Variants in ARID5B observed in about 807,000 individuals in gnomAD.
ARID5B encodes AT-rich interactive domain-containing protein 5B.
ARID5B carries 13 observed loss-of-function variants against 97.2 expected under a neutral mutation model. The observed-to-expected ratio is 0.13, with a 90% confidence interval of 0.09 to 0.21. The LOEUF (loss-of-function observed/expected upper bound fraction) is 0.21, where lower values mean the gene tolerates loss of function less well. Among genes scored for constraint, ARID5B ranks in the 10% least tolerant of loss-of-function variants. The pLI is 1.00. For missense variants in ARID5B, 1,210 were observed against 1,465.3 expected (o/e 0.83, Z 2.84); for synonymous variants, 556 against 570.3 (o/e 0.97, Z 0.36).
Position 61,993,762 on chromosome 10 carries a change from G to A in ARID5B, c.503-6329G>A, listed in dbSNP as rs140158452. Reference sequence around the variant, plus strand: ...GTCAATAGCAGTAAGAATTGGAATAGCGCCAGGTATATAAAGTTGATGCTT... The same window carrying A: ...GTCAATAGCAGTAAGAATTGGAATAACGCCAGGTATATAAAGTTGATGCTT... On this transcript the variant is annotated intron_variant, in intron 3 of 9. Coordinates refer to ENST00000279873, the MANE Select transcript of ARID5B (RefSeq NM_032199.3). Among the ~76,000 whole-genome samples, 74 of 152,296 alleles carry A rather than the reference G, an allele frequency of 4.9e-4. No homozygotes were observed. In the East Asian group the frequency reaches 0.013, roughly 27 times the overall value.
intron 3 of ARID5B, among the ~76,000 whole-genome samples, chr10:61,977,292 A>C (rs59968307): frequency 1.3e-5 from 2 of 152,062 alleles, no homozygotes; most frequent in African/African-American, 4.8e-5. Flanking sequence ...AGTCTTTGCT[A>C]TTGTGAATAG....
chr10:62,066,723 T>A (rs1839994440), intron 7 of ARID5B, among the ~76,000 whole-genome samples: 1 of 152,200 alleles, frequency 6.6e-6, no homozygotes, highest in Non-Finnish European at 1.5e-5. Flanking sequence ...GTCTTTTCTT[T>A]TCTCTGATAG....
chr10:61,955,740 T>G (rs1312772760), intron 3 of ARID5B, among the ~76,000 whole-genome samples: 1 of 152,194 alleles, frequency 6.6e-6, no homozygotes, highest in Non-Finnish European at 1.5e-5. Context: ...AACCTCCGGC[T>G]CCTGGGTTCA....
chr10:62,024,900 T>G (rs573524665), intron 4 of ARID5B: 14 of 341,836 alleles, frequency 4.1e-5, no homozygotes, highest in African/African-American at 2.9e-4. Context: ...TAGACAAGTA[T>G]CTAAGAAAAG....
At chr10:62,028,692 G>A (rs1469936656) in intron 4 of ARID5B, among the ~76,000 whole-genome samples, 5 of 152,210 alleles carry the variant, frequency 3.3e-5, no homozygotes, top group African/African-American at 1.2e-4. Flanking sequence ...TGGGCATGGT[G>A]ACTCATGCCT....
At chr10:62,084,936 C>T (rs1840261617) in intron 8 of ARID5B, among the ~76,000 whole-genome samples, 1 of 152,238 alleles carries the variant, frequency 6.6e-6, no homozygotes, top group Non-Finnish European at 1.5e-5. Flanking sequence ...TCCCCTACCC[C>T]ACTCAGAGCT....
chr10:62,027,401 C>T (rs972990043), intron 4 of ARID5B, among the ~76,000 whole-genome samples: 4 of 137,942 alleles, frequency 2.9e-5, no homozygotes, highest in African/African-American at 1.1e-4. Context: ...CTCCATCTCT[C>T]GGGTTCAAGC....
At position 61,919,100 on chromosome 10, in the gene ARID5B, C is replaced by G. The variant is rs367620489; in HGVS notation, c.276+16687C>G. On this transcript the variant is annotated intron_variant, in intron 2 of 9. Transcript: ENST00000279873. ...GGGACATCTCTTCCATTGGCCATGT[C>G]AAAATTAACTGAGATAGGAGTAGAT... 7.8e-5 allele frequency among the ~76,000 whole-genome samples: 10 copies of G among 127,432 alleles called. No homozygotes were observed. The East Asian group carries it at 1.6e-3, about 20-fold the overall frequency. The allele number at this position is 127,432 out of a possible 152,430, so 83.6% of individuals were successfully genotyped here.
intron 4 of ARID5B, among the ~76,000 whole-genome samples, chr10:62,036,585 G>A (rs967971571): frequency 3.3e-5 from 5 of 152,150 alleles, no homozygotes; most frequent in African/African-American, 1.2e-4. Flanking sequence ...GTATGTTTTG[G>A]CATATGAACA....
chr10:61,986,303 T>C (rs925952445), intron 3 of ARID5B, among the ~76,000 whole-genome samples: 4 of 152,146 alleles, frequency 2.6e-5, no homozygotes, highest in African/African-American at 9.7e-5. Flanking sequence ...TCTAGGAGGA[T>C]TGAATGAATC....
intron 8 of ARID5B, among the ~76,000 whole-genome samples, chr10:62,083,768 C>A (rs1286020271): frequency 6.6e-6 from 1 of 152,124 alleles, no homozygotes; most frequent in East Asian, 1.9e-4. Context: ...ATATTCAATG[C>A]ATTTTGCTCC....
At chr10:62,067,295 C>T (rs1052882784) in intron 7 of ARID5B, among the ~76,000 whole-genome samples, 6 of 152,196 alleles carry the variant, frequency 3.9e-5, no homozygotes, top group Non-Finnish European at 8.8e-5. Flanking sequence ...GTTGGTCAGG[C>T]TGGTCTTGAA....
intron 3 of ARID5B, among the ~76,000 whole-genome samples, chr10:61,968,790 G>A (rs1291089030): frequency 1.3e-5 from 2 of 152,126 alleles, no homozygotes; most frequent in East Asian, 3.8e-4. Flanking sequence ...ATTACTCCTT[G>A]ATAGAGAAAG....
chr10:62,091,893 G>A lies in ARID5B; in HGVS notation c.2430G>A (p.Lys810=), dbSNP rs767019001. The A allele has an allele frequency of 1.9e-6, 3 of 1,614,076 alleles. No homozygotes were observed. The highest frequency in any genetic ancestry group is 2.2e-5 in the East Asian group (1 of 44,878). Residue 810 remains lysine (K), a synonymous_variant, in exon 10 of 10, where the codon AAG becomes AAA. Transcript: ENST00000279873. ...YVLKQEIQEG[K]DKLLEKRALP... is the part of the protein sequence containing the mutation. Reference sequence around the variant, plus strand: ...TGAAGCAAGAAATTCAGGAGGGCAAGGATAAACTCTTAGAGAAAAGGGCCC... The same window carrying A: ...TGAAGCAAGAAATTCAGGAGGGCAAAGATAAACTCTTAGAGAAAAGGGCCC...
At chr10:61,998,816 A>G (rs1366456980) in intron 3 of ARID5B, among the ~76,000 whole-genome samples, 1 of 152,220 alleles carries the variant, frequency 6.6e-6, no homozygotes, top group Non-Finnish European at 1.5e-5. Context: ...GGGTGTATCA[A>G]TCAAGTTGGG....
At chr10:61,938,063 A>ATG (rs201726059) in intron 2 of ARID5B, among the ~76,000 whole-genome samples, 1,669 of 152,054 alleles carry the variant, frequency 0.011, 10 homozygotes, top group South Asian at 0.025. Context: ...ATTTGTTTTT[A>ATG]TGTGTGTGTG....
rs144056648 is a variant in ARID5B, at chr10:62,087,027, G to A, written c.1398+1127G>A. 7.9e-3 allele frequency among the ~76,000 whole-genome samples: 1,198 copies of A among 152,066 alleles called. 13 individuals carry two copies. The highest frequency in any genetic ancestry group is 0.028 in the African/African-American group (1,143 of 41,480). On this transcript the variant is annotated intron_variant, in intron 9 of 9. Transcript: ENST00000279873. The stretch of plus-strand genomic sequence containing the variant: ...AAGAAAATCTTAAGTGTGGCCGGGC[G>A]CGGTGGCTCACGCCTGTAATCCCAG...
At chr10:61,924,877 A>T (rs1235091511) in intron 2 of ARID5B, among the ~76,000 whole-genome samples, 2 of 151,876 alleles carry the variant, frequency 1.3e-5, no homozygotes, top group African/African-American at 2.4e-5. Context: ...CTGCTGGATG[A>T]TGTACCTGGG....
chr10:61,940,610 T>C (rs923710146), intron 3 of ARID5B, among the ~76,000 whole-genome samples: 20 of 152,082 alleles, frequency 1.3e-4, no homozygotes, highest in African/African-American at 4.8e-4. Context: ...GGACCTTTTA[T>C]GTATGGACCC....
Sources: gnomAD v4.1 joint callset for allele counts (sites outside exome capture counted in the v4.1 genomes callset) on GRCh38, gnomAD v4.1.1 for gene constraint, MANE v1.5 for transcripts, NCBI Gene and HGNC (gene_info 2026-07-23, HGNC 2026-07-21) for gene names.